Variants in ADAMTS2 observed in about 807,000 individuals in gnomAD.
ADAMTS2 encodes ADAM metallopeptidase with thrombospondin type 1 motif 2, also known as A disintegrin and metalloproteinase with thrombospondin motifs 2.
ADAMTS2 carries 50 observed loss-of-function variants against 123.0 expected under a neutral mutation model. The observed-to-expected ratio is 0.41, with a 90% CI of 0.32 to 0.51. The LOEUF (loss-of-function observed/expected upper bound fraction) is 0.51, where lower values mean the gene tolerates loss of function less well. ADAMTS2 is among the 20% of genes least tolerant of loss of function. The pLI is 0.35. For missense variants in ADAMTS2, 1,494 were observed against 1,705.2 expected (o/e 0.88, Z 2.18); for synonymous variants, 678 against 695.4 (o/e 0.98, Z 0.39).
intron 2 of ADAMTS2, among the ~76,000 whole-genome samples, chr5:179,288,254 GT>G (rs1756084926): frequency 6.6e-6 from 1 of 152,174 alleles, no homozygotes; most frequent in Non-Finnish European, 1.5e-5. Context: ...GGGGCCCACT[GT>G]GCTATCCAGG....
rs2113255789 is a variant in ADAMTS2, at chr5:179,155,314, C to T, written c.1133-395G>A. The stretch of plus-strand genomic sequence containing the variant: ...AGTGGCCCCTGAGCAGCACCTGCTT[C>T]CACACCTCTCTCTGCTAGAGGCATC... On this transcript the variant is annotated intron_variant, in intron 6 of 21. Transcript: ENST00000251582. This position sits in a 1 kb window ranked among gnomAD's most constrained non-coding sequence, Gnocchi z 5.1. 6.6e-6 allele frequency among the ~76,000 whole-genome samples: 1 copy of T among 152,348 alleles called. No individual in the cohort carries two copies. Among genetic ancestry groups the T allele is most frequent in the Non-Finnish European group, 1.5e-5 (1 of 68,030 alleles).
In ADAMTS2 at chr5:179,145,753, A is replaced by G. The variant is rs1296436664; in HGVS notation, c.1630-5718T>C. On this transcript the variant is annotated intron_variant, in intron 10 of 21. Coordinates refer to ENST00000251582, the MANE Select transcript of ADAMTS2 (RefSeq NM_014244.5). Reference sequence around the variant, plus strand: ...TGAGGTGACTACTAAAGGGTTTGGAACTTTTCAGAGTGACAAAAATGTTCC... The same window carrying G: ...TGAGGTGACTACTAAAGGGTTTGGAGCTTTTCAGAGTGACAAAAATGTTCC... Among the ~76,000 whole-genome samples the G allele has an allele frequency of 7.9e-4, 120 of 152,286 alleles. 1 individual carries two copies. Among genetic ancestry groups the G allele is most frequent in the Non-Finnish European group, 8.8e-5 (6 of 68,010 alleles).
intron 3 of ADAMTS2, among the ~76,000 whole-genome samples, chr5:179,231,953 AAG>A (rs1765421295): frequency 7.5e-6 from 1 of 133,286 alleles, no homozygotes; most frequent in South Asian, 2.5e-4. Context: ...GAAAAAAAAA[AAG>A]AGGAAATTAG....
intron 2 of ADAMTS2, among the ~76,000 whole-genome samples, chr5:179,290,817 G>C (rs1343033648): frequency 2.0e-5 from 3 of 152,188 alleles, no homozygotes; most frequent in African/African-American, 7.2e-5. Context: ...TAGGTTCCAG[G>C]GATCGGGGAG....
In ADAMTS2 at chr5:179,170,588, TTC is replaced by T. The variant is rs1249576678; in HGVS notation, c.975+10482_975+10483del. 2.0e-5 allele frequency among the ~76,000 whole-genome samples: 3 copies of T among 152,126 alleles called. No individual in the cohort carries two copies. Among genetic ancestry groups the T allele is most frequent in the Admixed American group, 6.5e-5 (1 of 15,278 alleles). The stretch of plus-strand genomic sequence containing the variant: ...CCCCATCGAGAATCCCTGGCTGTGC[TTC>T]TCTGTGAGCAAAAGGGGTCTGTTCC... On this transcript the variant is annotated intron_variant, in intron 5 of 21. Transcript: ENST00000251582. This position sits in a 1 kb window ranked among gnomAD's most constrained non-coding sequence, Gnocchi z 4.3.
intron 3 of ADAMTS2, among the ~76,000 whole-genome samples, chr5:179,216,667 A>G (rs1355339843): frequency 6.6e-6 from 1 of 152,162 alleles, no homozygotes; most frequent in African/African-American, 2.4e-5. Flanking sequence ...TGATCTGCTC[A>G]CCTCCGGGAG....
In ADAMTS2 at chr5:179,147,346, C is replaced by T. The variant is rs188280632; in HGVS notation, c.1629+4796G>A. Among the ~76,000 whole-genome samples, 46 of 152,320 alleles carry T rather than the reference C, an allele frequency of 3.0e-4. No homozygotes were observed. In the East Asian group the frequency reaches 8.9e-3, roughly 29 times the overall value. On this transcript the variant is annotated intron_variant, in intron 10 of 21. Coordinates refer to ENST00000251582, the MANE Select transcript of ADAMTS2 (RefSeq NM_014244.5). ...TCAAGTAATCCGCCCACCTCGGCCT[C>T]CCAAAGTGTCGGGATTACAGGTGTG...
intron 2 of ADAMTS2, among the ~76,000 whole-genome samples, chr5:179,316,165 G>A (rs1756994231): frequency 6.6e-6 from 1 of 152,182 alleles, no homozygotes; most frequent in Admixed American, 6.5e-5. Flanking sequence ...CCAGACTGGG[G>A]CGTGGGCACC....
intron 3 of ADAMTS2, among the ~76,000 whole-genome samples, chr5:179,227,411 A>G (rs1017725881): frequency 6.6e-6 from 1 of 152,104 alleles, no homozygotes; most frequent in Non-Finnish European, 1.5e-5. Flanking sequence ...TTGGCAGCTG[A>G]AGGGGGCCAC....
At chr5:179,212,080 T>C (rs973540465) in intron 3 of ADAMTS2, among the ~76,000 whole-genome samples, 4 of 152,092 alleles carry the variant, frequency 2.6e-5, no homozygotes, top group African/African-American at 9.7e-5. Context: ...GAGGGGTGAT[T>C]TGCGGGAATG....
intron 3 of ADAMTS2, among the ~76,000 whole-genome samples, chr5:179,219,296 G>A (rs1439517949): frequency 6.6e-6 from 1 of 152,198 alleles, no homozygotes; most frequent in African/African-American, 2.4e-5. Context: ...TATGGCTGAA[G>A]GTGATGCACC....
chr5:179,264,695 G>A (rs892007690), intron 3 of ADAMTS2, among the ~76,000 whole-genome samples: 5 of 152,208 alleles, frequency 3.3e-5, no homozygotes, highest in African/African-American at 1.2e-4. Context: ...GGAGGGAAAG[G>A]GGACGGAGAG....
At position 179,307,528 on chromosome 5, in the gene ADAMTS2, T is replaced by C. The variant is rs186889572; in HGVS notation, c.535-34464A>G. On this transcript the variant is annotated intron_variant, in intron 2 of 21. Coordinates refer to ENST00000251582, the MANE Select transcript of ADAMTS2 (RefSeq NM_014244.5). This position sits in a 1 kb window ranked among gnomAD's most constrained non-coding sequence, Gnocchi z 5.6. ...TGGGAGCCCGGGCGTCCCAAGCCTG[T>C]GACCTCATTCTCTATGCTCCTCACG... Among the ~76,000 whole-genome samples the C allele has an allele frequency of 1.1e-3, 166 of 152,268 alleles. No individual in the cohort carries two copies. Among genetic ancestry groups the C allele is most frequent in the Non-Finnish European group, 2.0e-3 (138 of 68,006 alleles).
rs1249412241 is a variant in ADAMTS2, at chr5:179,128,362, T to C, written c.2458-244A>G. Among the ~76,000 whole-genome samples the C allele has an allele frequency of 1.3e-5, 2 of 152,116 alleles. No individual in the cohort carries two copies. The highest frequency in any genetic ancestry group is 2.9e-5 in the Non-Finnish European group (2 of 68,036). On this transcript the variant is annotated intron_variant, in intron 16 of 21. Coordinates refer to ENST00000251582, the MANE Select transcript of ADAMTS2 (RefSeq NM_014244.5). This position sits in a 1 kb window ranked among gnomAD's most constrained non-coding sequence, Gnocchi z 4.9. ...GTTACCCGATCAATATATAACCTTG[T>C]TTTATGTGTGAGTCTGTTTATTTTT...
In ADAMTS2 at chr5:179,115,913, C is replaced by A. The variant is rs1423631372; in HGVS notation, c.3179-1589G>T. On this transcript the variant is annotated intron_variant, in intron 21 of 21. Transcript: ENST00000251582. This position sits in a 1 kb window ranked among gnomAD's most constrained non-coding sequence, Gnocchi z 4.4. ...TTTCCCTTAGAAGCTGGTGACAGAC[C>A]ACCAGCTCCAAACCCCTGAAGCTTC... Among the ~76,000 whole-genome samples the A allele has an allele frequency of 1.3e-5, 2 of 152,108 alleles. No homozygotes were observed. The highest frequency in any genetic ancestry group is 4.8e-5 in the African/African-American group (2 of 41,410).
At position 179,110,897 on chromosome 5, in the gene ADAMTS2, A is replaced by G. The variant is rs1762556272; in HGVS notation, c.*2970T>C. The stretch of plus-strand genomic sequence containing the variant: ...CATTTTAACTTTAATAAGTTATAAA[A>G]GTAAGGAGTCAAATTTTACATTACA... On this transcript the variant is annotated 3_prime_UTR_variant, in exon 22 of 22. Coordinates refer to ENST00000251582, the MANE Select transcript of ADAMTS2 (RefSeq NM_014244.5). 6.6e-6 allele frequency: 1 copy of G among 152,246 alleles called. No homozygotes were observed. Among genetic ancestry groups the G allele is most frequent in the Non-Finnish European group, 1.5e-5 (1 of 68,044 alleles). 9.4% of individuals were successfully genotyped at this position (152,246 alleles called of 1,614,324 possible).
intron 3 of ADAMTS2, among the ~76,000 whole-genome samples, chr5:179,271,236 G>A (rs1766523376): frequency 6.6e-6 from 1 of 152,156 alleles, no homozygotes. Context: ...CAGGCTGTGG[G>A]GGAAGGGCTG....
chr5:179,232,941 T>G (rs1765441136), intron 3 of ADAMTS2, among the ~76,000 whole-genome samples: 2 of 152,206 alleles, frequency 1.3e-5, no homozygotes, highest in South Asian at 4.1e-4. Flanking sequence ...AATATGGCAT[T>G]TCCAACAAGT....
At chr5:179,205,921 G>A (rs998698056) in intron 4 of ADAMTS2, among the ~76,000 whole-genome samples, 4 of 151,992 alleles carry the variant, frequency 2.6e-5, no homozygotes, top group South Asian at 2.1e-4. Context: ...ACAGGCGCCC[G>A]CCACCACGCC....
Sources: gnomAD v4.1 joint callset for allele counts (sites outside exome capture counted in the v4.1 genomes callset) on GRCh38, gnomAD v4.1.1 for gene constraint, Gnocchi (gnomAD v3.1) non-coding constraint, MANE v1.5 for transcripts, NCBI Gene and HGNC (gene_info 2026-07-23, HGNC 2026-07-21) for gene names.